The following CACNA1G variants were observed in gnomAD, a reference collection of about 807,000 sequenced individuals.
CACNA1G encodes voltage-dependent T-type calcium channel subunit alpha-1G.
Under a neutral mutation model 219.4 loss-of-function variants are expected in CACNA1G, and 67 were observed. That is an observed-to-expected ratio of 0.31 (90% CI 0.25 to 0.37). CACNA1G has a LOEUF of 0.37. CACNA1G is among the 10% of genes least tolerant of loss of function. The pLI, the probability that CACNA1G is intolerant of heterozygous loss-of-function variation, is 1.00. For missense variants in CACNA1G, 2,380 were observed against 3,231.4 expected (o/e 0.74, Z 6.39); for synonymous variants, 1,296 against 1,345.3 (o/e 0.96, Z 0.80).
chr17:50,591,728 T>C lies in CACNA1G; in HGVS notation c.2640-11T>C, dbSNP rs76727649. 6.2e-7 allele frequency: 1 copy of C among 1,612,424 alleles called. No individual in the cohort carries two copies. Among genetic ancestry groups the C allele is most frequent in the East Asian group, 2.2e-5 (1 of 44,858 alleles). ...TCTGATCCCTAGCTTGTGGCCCCCT[T>C]GTGCCCACAGCATCCTGGGCATGCA... On this transcript the variant is annotated splice_polypyrimidine_tract_variant and intron_variant, in intron 11 of 37. Coordinates refer to ENST00000359106, the MANE Select transcript of CACNA1G (RefSeq NM_018896.5).
At chr17:50,595,706 C>T (rs2045402378) in intron 14 of CACNA1G, among the ~76,000 whole-genome samples, 1 of 152,272 alleles carries the variant, frequency 6.6e-6, no homozygotes, top group Non-Finnish European at 1.5e-5. Context: ...TTCCCTGCCC[C>T]AGCACCAGAA....
At chr17:50,615,243 T>G in intron 26 of CACNA1G, 118 bp from the exon 27 acceptor site, 1 of 1,029,114 alleles carries the variant, frequency 9.7e-7, no homozygotes, top group Non-Finnish European at 1.3e-6. Flanking sequence ...AGGATGGTGA[T>G]GATTATGGAA....
rs373257429 is a variant in CACNA1G, at chr17:50,575,862, G to A, written c.1460G>A (p.Arg487His). 50 of 1,550,352 alleles carry A rather than the reference G, an allele frequency of 3.2e-5. No individual in the cohort carries two copies. The highest frequency in any genetic ancestry group is 3.9e-5 in the Admixed American group (2 of 51,340). ...AGCAGCAGCTGCTCTCGCTCCCACC[G>A]CCGCCTATCCGTCCACCACCTGGTG... The part of the protein sequence containing the change: ...QPSSSCSRSH[R>H]RLSVHHLVHH... The change falls in exon 8 of 38, where the codon CGC becomes CAC. Residue 487 changes from arginine to histidine, a missense_variant. Physicochemically the swap from Arg to His is conservative, Grantham distance 29. Coordinates refer to ENST00000359106, the MANE Select transcript of CACNA1G (RefSeq NM_018896.5).
Position 50,599,761 on chromosome 17 carries a change from G to A in CACNA1G, c.3592G>A (p.Asp1198Asn), listed in dbSNP as rs2046237275. 1.2e-6 allele frequency: 2 copies of A among 1,613,638 alleles called. No individual in the cohort carries two copies. Among genetic ancestry groups the A allele is most frequent in the Non-Finnish European group, 1.7e-6 (2 of 1,179,858 alleles). ...SGRGSASEHQDCNGKSASGRL... is the reference protein window; with the variant it reads ...SGRGSASEHQNCNGKSASGRL... The stretch of plus-strand genomic sequence containing the variant: ...CCGAGGGTCTGCTTCTGAGCACCAG[G>A]ACTGCAATGGCAAGTCGGCTTCAGG... Residue 1198 changes from aspartate to asparagine, a missense_variant, in exon 17 of 38, where the codon GAC becomes AAC. Around this residue, in one of 17 missense-constraint regions of CACNA1G, gnomAD observed 418 missense variants for 434.3 expected, o/e 0.96. Coordinates refer to ENST00000359106, the MANE Select transcript of CACNA1G (RefSeq NM_018896.5).
rs1047234836 is a variant in CACNA1G at position 50,618,588 on chromosome 17, C to T, written c.5428-67C>T. On this transcript the variant is annotated intron_variant, in intron 32 of 37. Coordinates refer to ENST00000359106, the MANE Select transcript of CACNA1G (RefSeq NM_018896.5). This position sits in a 1 kb window ranked among gnomAD's most constrained non-coding sequence, Gnocchi z 5.3. ...TCCAATGCTCTGTGACACCAGTGAC[C>T]TGATTTTCCACAACAGCTCCAACAA... 7.7e-7 allele frequency: 1 copy of T among 1,293,552 alleles called. No homozygotes were observed. The highest frequency in any genetic ancestry group is 1.9e-5 in the Admixed American group (1 of 52,572). The allele number at this position is 1,293,552 out of a possible 1,614,324, so 80.1% of individuals were successfully genotyped here. A position where few individuals can be genotyped will look rare whatever the true frequency, so the allele number is the denominator to read the frequency against.
At position 50,561,379 on chromosome 17, in the gene CACNA1G, C is replaced by G; in HGVS notation, c.-81C>G. On this transcript the variant is annotated 5_prime_UTR_variant, in exon 1 of 38. Transcript: ENST00000359106. The stretch of plus-strand genomic sequence containing the variant: ...CACCAGATGTGCCCCCGCCGGGGCC[C>G]CCGGGTTGCGTGAGGACACCTCCTC... 1 of 1,525,004 alleles carries G rather than the reference C, an allele frequency of 6.6e-7. No individual in the cohort carries two copies. The highest frequency in any genetic ancestry group is 8.8e-7 in the Non-Finnish European group (1 of 1,139,942). 94.5% of individuals were successfully genotyped at this position (1,525,004 alleles called of 1,614,324 possible). A position where few individuals can be genotyped will look rare whatever the true frequency, so the allele number is the denominator to read the frequency against.
In CACNA1G at chr17:50,589,972, A is replaced by T. The variant is rs150385033; in HGVS notation, c.2302-499A>T. On this transcript the variant is annotated intron_variant, in intron 9 of 37. Transcript: ENST00000359106. ...TGTCTGGAAGGAAGCAAGAGTAGCC[A>T]ACTGTTGTCCAAGAGAAAGCTGCCA... 1.2e-4 allele frequency among the ~76,000 whole-genome samples: 18 copies of T among 150,216 alleles called. 1 individual carries two copies. In the East Asian group the frequency reaches 3.6e-3, roughly 30 times the overall value.
chr17:50,617,505 G>C lies in CACNA1G; in HGVS notation c.5089G>C (p.Val1697Leu), dbSNP rs1189855641. The change falls in exon 29 of 38, where the codon GTC (valine) becomes CTC (leucine). Residue 1697 changes from valine (V) to leucine (L), a missense_variant. By Grantham distance (32) the Val-to-Leu change is conservative. This residue lies in a region of CACNA1G where 123 missense variants were observed against 258.4 expected (regional missense o/e 0.48). Coordinates refer to ENST00000359106, the MANE Select transcript of CACNA1G (RefSeq NM_018896.5). The surrounding 1 kb of genome is among the most constrained non-coding windows in gnomAD (Gnocchi z 5.8). ...GGGCATCACGCTGGAGGAAATCGAG[G>C]TCAACGCCTCGCTGCCCATCAACCC... ...IMGITLEEIE[V>L]NASLPINPTI... 3 of 1,613,898 alleles carry C rather than the reference G, an allele frequency of 1.9e-6. No individual in the cohort carries two copies. In the African/African-American group the frequency reaches 4.0e-5, roughly 22 times the overall value.
chr17:50,569,335 A>G, intron 3 of CACNA1G, 37 bp downstream of exon 3: 1 of 1,607,442 alleles, frequency 6.2e-7, no homozygotes, highest in South Asian at 1.1e-5. Context: ...GCAATGGATC[A>G]GATCGGTCCC....
In CACNA1G at chr17:50,618,527, C is replaced by T; in HGVS notation, c.5428-128C>T. ...TCACACTTGTAGTGCTCCTCTGCCCCCAAACACTCCCTCCTCCTCCCCTTC... is the reference window on the plus strand; with the variant it reads ...TCACACTTGTAGTGCTCCTCTGCCCTCAAACACTCCCTCCTCCTCCCCTTC... On this transcript the variant is annotated intron_variant, in intron 32 of 37. Coordinates refer to ENST00000359106, the MANE Select transcript of CACNA1G (RefSeq NM_018896.5). The surrounding 1 kb of genome is among the most constrained non-coding windows in gnomAD (Gnocchi z 5.3). The T allele has an allele frequency of 9.6e-7, 1 of 1,041,176 alleles. No homozygotes were observed. Among genetic ancestry groups the T allele is most frequent in the Non-Finnish European group, 1.4e-6 (1 of 701,048 alleles). The allele number at this position is 1,041,176 out of a possible 1,614,324, so 64.5% of individuals were successfully genotyped here.
rs746843114 is a variant in CACNA1G, at chr17:50,626,221, C to A, written c.6604C>A (p.Pro2202Thr). Residue 2202 changes from proline (P) to threonine (T), a missense_variant, in exon 38 of 38, where the codon CCC becomes ACC. Coordinates refer to ENST00000359106, the MANE Select transcript of CACNA1G (RefSeq NM_018896.5). The surrounding 1 kb of genome is among the most constrained non-coding windows in gnomAD (Gnocchi z 4.3). ...GCCAGCCCCTTGCCCAGGCCCAGAACCCAACTGGGGCAAGGGCCCTCCAGA... is the reference window on the plus strand; with the variant it reads ...GCCAGCCCCTTGCCCAGGCCCAGAAACCAACTGGGGCAAGGGCCCTCCAGA... ...TPPAPCPGPE[P>T]NWGKGPPETR... 4 of 1,613,804 alleles carry A rather than the reference C, an allele frequency of 2.5e-6. No homozygotes were observed. In the South Asian group the frequency reaches 4.4e-5, roughly 18 times the overall value.
At chr17:50,569,088 G>A in intron 2 of CACNA1G, 77 bp from the exon 3 acceptor site, 1 of 1,568,302 alleles carries the variant, frequency 6.4e-7, no homozygotes, top group Non-Finnish European at 8.7e-7. Flanking sequence ...TGACCCAACT[G>A]GTGGGGACTA....
chr17:50,561,532 C>T lies in CACNA1G; in HGVS notation c.73C>T (p.Leu25=), dbSNP rs557833988. 2.7e-5 allele frequency: 42 copies of T among 1,538,068 alleles called. No homozygotes were observed. The East Asian group carries it at 8.8e-4, about 32-fold the overall frequency. ...CCGGAGCTTCATGCGGCTCAACGAC[C>T]TGTCGGGGGCCGGGGGCCGGCCGGG... ...QPRSFMRLND[L]SGAGGRPGPG... is the part of the protein sequence containing the mutation. Residue 25 remains leucine (L), a synonymous_variant, in exon 1 of 38, where the codon CTG becomes TTG. Transcript: ENST00000359106.
At chr17:50,602,768 C>CTT in intron 19 of CACNA1G, 52 bp from the exon 20 acceptor site, 1 of 1,567,912 alleles carries the variant, frequency 6.4e-7, no homozygotes, top group Non-Finnish European at 8.8e-7. Flanking sequence ...GCAGACCTGG[C>CTT]CCAAGGGTGG....
rs143378028 is a variant in CACNA1G, at chr17:50,613,665, T to C, written c.4760-1696T>C. Among the ~76,000 whole-genome samples the C allele has an allele frequency of 2.2e-3, 333 of 152,388 alleles. 2 individuals are homozygous for C. The highest frequency in any genetic ancestry group is 0.013 in the Admixed American group (205 of 15,312). On this transcript the variant is annotated intron_variant, in intron 26 of 37. Transcript: ENST00000359106. ...CTAACCTAATTGTATTCAAACATTTTAGTTAATTCTCCATTCATATTTTAG... is the reference window on the plus strand; with the variant it reads ...CTAACCTAATTGTATTCAAACATTTCAGTTAATTCTCCATTCATATTTTAG...
chr17:50,573,294 G>C, intron 7 of CACNA1G, 181 bp downstream of exon 7: 1 of 593,562 alleles, frequency 1.7e-6, no homozygotes, highest in Non-Finnish European at 3.0e-6. Context: ...GAAATCCAAG[G>C]TCAAGGCGGG....
At position 50,561,476 on chromosome 17, in the gene CACNA1G, A is replaced by T; in HGVS notation, c.17A>T (p.Asp6Val). 1 of 1,534,460 alleles carries T rather than the reference A, an allele frequency of 6.5e-7. No homozygotes were observed. Among genetic ancestry groups the T allele is most frequent in the Non-Finnish European group, 8.7e-7 (1 of 1,146,444 alleles). ...GGCCAGAGGATGGACGAGGAGGAGGATGGAGCGGGCGCCGAGGAGTCGGGA... is the reference window on the plus strand; with the variant it reads ...GGCCAGAGGATGGACGAGGAGGAGGTTGGAGCGGGCGCCGAGGAGTCGGGA... MDEEE[D>V]GAGAEESGQP... The change falls in exon 1 of 38, where the codon GAT becomes GTT. Residue 6 changes from aspartate (D) to valine (V), a missense_variant. Around this residue, in one of 17 missense-constraint regions of CACNA1G, gnomAD observed 98 missense variants for 85.5 expected, o/e 1.15. Transcript: ENST00000359106.
intron 9 of CACNA1G, among the ~76,000 whole-genome samples, chr17:50,586,286 G>A (rs2042973723): frequency 6.6e-6 from 1 of 152,188 alleles, no homozygotes; most frequent in South Asian, 2.1e-4. Context: ...TTGTCCAGAG[G>A]GAGCAGAGGA....
At chr17:50,614,292 G>A (rs987959428) in intron 26 of CACNA1G, among the ~76,000 whole-genome samples, 1 of 152,190 alleles carries the variant, frequency 6.6e-6, no homozygotes. Flanking sequence ...CCTCAGAGGC[G>A]GCAGCCCTCA....
Sources: gnomAD v4.1 joint callset for allele counts (sites outside exome capture counted in the v4.1 genomes callset) on GRCh38, gnomAD v4.1.1 for gene constraint, gnomAD v4.1.1 regional missense constraint, Gnocchi (gnomAD v3.1) non-coding constraint, MANE v1.5 for transcripts, NCBI Gene and HGNC (gene_info 2026-07-23, HGNC 2026-07-21) for gene names.